Variants in PRKCB observed in about 807,000 individuals in gnomAD.
The protein encoded by PRKCB is protein kinase C beta, also known as protein kinase C beta type.
Under a neutral mutation model 81.5 loss-of-function variants are expected in PRKCB, and 13 were observed. That is an observed-to-expected ratio of 0.16 (90% CI 0.10 to 0.25). The LOEUF (loss-of-function observed/expected upper bound fraction) is 0.25. PRKCB is among the 10% of genes least tolerant of loss of function. PRKCB has a pLI of 1.00. For synonymous variants in PRKCB, 335 were observed against 321.4 expected (o/e 1.04, Z -0.45); for missense variants, 509 against 875.7 (o/e 0.58, Z 5.29).
At chr16:23,950,132 A>AGGTTTTTT (rs55986931) in intron 2 of PRKCB, among the ~76,000 whole-genome samples, 8 of 97,760 alleles carry the variant, frequency 8.2e-5, no homozygotes, top group Non-Finnish European at 1.4e-4. Context: ...TATGATTTGA[A>AGGTTTTTT]TTTTTTTTTT....
At chr16:23,872,495 T>C (rs1962921304) in intron 2 of PRKCB, among the ~76,000 whole-genome samples, 1 of 152,150 alleles carries the variant, frequency 6.6e-6, no homozygotes, top group African/African-American at 2.4e-5. Flanking sequence ...CACTCCAGCC[T>C]GGATGACAGA....
chr16:24,216,802 G>T lies in PRKCB; in HGVS notation c.*1986G>T. Reference sequence around the variant, plus strand: ...CGGAGCAAAGCTCCCTCACTTTATTGTTGAGAAACTGGCATCTGGAAAGAG... The same window carrying T: ...CGGAGCAAAGCTCCCTCACTTTATTTTTGAGAAACTGGCATCTGGAAAGAG... On this transcript the variant is annotated 3_prime_UTR_variant, in exon 17 of 17. Transcript: ENST00000643927. The T allele has an allele frequency of 1.0e-6, 1 of 985,496 alleles. No individual in the cohort carries two copies. Among genetic ancestry groups the T allele is most frequent in the Non-Finnish European group, 1.2e-6 (1 of 829,952 alleles). The allele number at this position is 985,496 out of a possible 1,614,324, so 61.0% of individuals were successfully genotyped here.
chr16:23,843,379 G>A (rs561464665), intron 2 of PRKCB, among the ~76,000 whole-genome samples: 22 of 152,062 alleles, frequency 1.4e-4, no homozygotes, highest in African/African-American at 3.1e-4. Context: ...TGTGTCCTGC[G>A]GGCTTCTCTG....
chr16:23,893,644 T>A (rs1439369862), intron 2 of PRKCB: 1 of 152,248 alleles, frequency 6.6e-6, no homozygotes, highest in African/African-American at 2.4e-5. Flanking sequence ...TATGTGTACT[T>A]CTTTTATTTT....
At chr16:23,981,238 C>G (rs557206284) in intron 2 of PRKCB, among the ~76,000 whole-genome samples, 2 of 152,188 alleles carry the variant, frequency 1.3e-5, no homozygotes, top group Non-Finnish European at 2.9e-5. Flanking sequence ...AGAGGCCACC[C>G]ACATTCCTTG....
chr16:23,913,911 C>T (rs769700934), intron 2 of PRKCB, among the ~76,000 whole-genome samples: 6 of 152,202 alleles, frequency 3.9e-5, no homozygotes, highest in Non-Finnish European at 7.3e-5. Flanking sequence ...CCCCTGTGTG[C>T]CATTTGCCTT....
rs769245999 is a variant in PRKCB at position 24,073,635 on chromosome 16, G to A, written c.530-19156G>A. Among the ~76,000 whole-genome samples, 77 of 152,070 alleles carry A rather than the reference G, an allele frequency of 5.1e-4. 1 individual carries two copies. The highest frequency in any genetic ancestry group is 9.4e-4 in the Non-Finnish European group (64 of 68,010). ...CAGGTGTGAGCCATTGCGCCTGGCC[G>A]GTTTTTTAAATGTCTCAGTCTAAAG... On this transcript the variant is annotated intron_variant, in intron 5 of 16. Coordinates refer to ENST00000643927, the MANE Select transcript of PRKCB (RefSeq NM_002738.7).
chr16:23,946,729 T>C (rs1252371103), intron 2 of PRKCB, among the ~76,000 whole-genome samples: 3 of 152,200 alleles, frequency 2.0e-5, no homozygotes, highest in Non-Finnish European at 4.4e-5. Context: ...CTAATTAAGA[T>C]GCAGGTTGTG....
intron 2 of PRKCB, among the ~76,000 whole-genome samples, chr16:23,856,767 C>T (rs1962576141): frequency 6.6e-6 from 1 of 152,180 alleles, no homozygotes; most frequent in South Asian, 2.1e-4. Context: ...TCAAACAGTC[C>T]TCCTACCTTG....
At chr16:23,858,628 C>T (rs1228106057) in intron 2 of PRKCB, among the ~76,000 whole-genome samples, 1 of 151,828 alleles carries the variant, frequency 6.6e-6, no homozygotes, top group African/African-American at 2.4e-5. Context: ...AAAGTGGCTT[C>T]TAGTTTGAGG....
At position 23,836,245 on chromosome 16, in the gene PRKCB, G is replaced by C. The variant is rs760228327; in HGVS notation, c.70G>C (p.Gly24Arg). Residue 24 changes from glycine (G) to arginine (R), a missense_variant, in exon 1 of 17, where the codon GGC becomes CGC. Physicochemically the swap from Gly to Arg is moderately radical, Grantham distance 125. Around this residue, in one of 6 missense-constraint regions of PRKCB, gnomAD observed 184 missense variants for 362.9 expected, o/e 0.51. Transcript: ENST00000643927. ...EESTVRFARK[G>R]ALRQKNVHEV... ...GAGCACCGTGCGCTTCGCCCGCAAA[G>C]GCGCCCTCCGGCAGAAGAACGTGCA... 6.2e-7 allele frequency: 1 copy of C among 1,601,232 alleles called. No individual in the cohort carries two copies. Among genetic ancestry groups the C allele is most frequent in the Non-Finnish European group, 8.5e-7 (1 of 1,174,288 alleles).
At chr16:23,998,534 G>A (rs1375136918) in intron 3 of PRKCB, among the ~76,000 whole-genome samples, 6 of 152,166 alleles carry the variant, frequency 3.9e-5, no homozygotes, top group African/African-American at 1.4e-4. Context: ...AGCATTCCTA[G>A]CCTCAGATCT....
At chr16:23,837,491 G>A in intron 2 of PRKCB, 85 bp downstream of exon 2, 1 of 1,515,656 alleles carries the variant, frequency 6.6e-7, no homozygotes, top group Non-Finnish European at 9.0e-7. Flanking sequence ...GTTAGGCAGA[G>A]AGTGAAAGAA....
intron 5 of PRKCB, among the ~76,000 whole-genome samples, chr16:24,038,327 C>T (rs1002906318): frequency 6.6e-6 from 1 of 152,240 alleles, no homozygotes; most frequent in Non-Finnish European, 1.5e-5. Context: ...TAGTGAGACC[C>T]TGGCATATTG....
At chr16:23,903,829 G>A (rs905186080) in intron 2 of PRKCB, among the ~76,000 whole-genome samples, 1 of 152,140 alleles carries the variant, frequency 6.6e-6, no homozygotes, top group African/African-American at 2.4e-5. Flanking sequence ...CCTGTTTCAA[G>A]TTCCTTCTGG....
At chr16:23,931,770 A>G (rs540324655) in intron 2 of PRKCB, among the ~76,000 whole-genome samples, 1 of 152,130 alleles carries the variant, frequency 6.6e-6, no homozygotes, top group Non-Finnish European at 1.5e-5. Flanking sequence ...AAGTTCCTAT[A>G]AAGACAGTTT....
At chr16:24,114,982 T>A (rs1207039703) in intron 8 of PRKCB, among the ~76,000 whole-genome samples, 2 of 151,938 alleles carry the variant, frequency 1.3e-5, no homozygotes, top group African/African-American at 4.8e-5. Flanking sequence ...GAAACAGCAA[T>A]GGAAGTTTAC....
intron 16 of PRKCB, among the ~76,000 whole-genome samples, chr16:24,212,461 CTTTTTTTTTTTTTTT>C (rs975667798): frequency 5.1e-5 from 4 of 78,062 alleles, no homozygotes; most frequent in Non-Finnish European, 1.0e-4. Flanking sequence ...CTTTTTTTTC[CTTTTTTTTTTTTTTT>C]TTTTTTTTTT....
chr16:23,994,642 A>G (rs1964931991), intron 3 of PRKCB, among the ~76,000 whole-genome samples: 1 of 152,254 alleles, frequency 6.6e-6, no homozygotes, highest in Non-Finnish European at 1.5e-5. Flanking sequence ...GTGGATAATC[A>G]TAAGCTTAAC....
Sources: gnomAD v4.1 joint callset for allele counts (sites outside exome capture counted in the v4.1 genomes callset) on GRCh38, gnomAD v4.1.1 for gene constraint, gnomAD v4.1.1 regional missense constraint, MANE v1.5 for transcripts, NCBI Gene and HGNC (gene_info 2026-07-23, HGNC 2026-07-21) for gene names.